GGA3: variants seen among roughly 807,000 people sequenced by gnomAD.
GGA3 encodes ADP-ribosylation factor-binding protein GGA3.
GGA3 carries 57 observed loss-of-function variants against 77.5 expected under a neutral mutation model. The observed-to-expected ratio is 0.74, with a 90% CI of 0.59 to 0.92. GGA3 has a LOEUF of 0.92. Among genes scored for constraint, GGA3 ranks in the 40% least tolerant of loss-of-function variants. GGA3 has a pLI of 0.00. For missense variants in GGA3, 970 were observed against 914.9 expected (o/e 1.06, Z -0.78); for synonymous variants, 416 against 383.7 (o/e 1.08, Z -0.98).
At chr17:75,260,983 T>C (rs770280358) in intron 1 of GGA3, among the ~76,000 whole-genome samples, 8 of 152,178 alleles carry the variant, frequency 5.3e-5, no homozygotes, top group East Asian at 3.8e-4. Flanking sequence ...AGGAAAAAGG[T>C]AGAGCTCTCT....
chr17:75,243,229 C>A (rs756203752), intron 5 of GGA3, 63 bp from the exon 6 acceptor site: 1 of 1,256,708 alleles, frequency 8.0e-7, no homozygotes, highest in East Asian at 2.3e-5. Flanking sequence ...CCTCCTCATA[C>A]ACCAAGGGCC....
At position 75,241,679 on chromosome 17, in the gene GGA3, A is replaced by G. The variant is rs2076565429; in HGVS notation, c.765T>C (p.Cys255=). The G allele has an allele frequency of 6.2e-7, 1 of 1,613,924 alleles. No homozygotes were observed. The highest frequency in any genetic ancestry group is 8.5e-7 in the Non-Finnish European group (1 of 1,179,920). The change falls in exon 9 of 17, where the codon TGT becomes TGC. Residue 255 remains cysteine, a synonymous_variant. Transcript: ENST00000537686. ...TAAATAAAGTCCGCCTCTTGTTCTC[A>G]CACTGATCAAACAGCTCCTGAAAGA... The part of the protein sequence containing the change: ...RELMKELFDQ[C]ENKRRTLFKL...
In GGA3 at chr17:75,242,471, G is replaced by A. The variant is rs2076594886; in HGVS notation, c.612C>T (p.Asp204=). The A allele has an allele frequency of 3.7e-6, 6 of 1,613,942 alleles. No homozygotes were observed. Among genetic ancestry groups the A allele is most frequent in the Admixed American group, 1.7e-5 (1 of 59,994 alleles). Residue 204 remains aspartate (D), a splice_region_variant and synonymous_variant, in exon 8 of 17, where the codon GAC becomes GAT. Coordinates refer to ENST00000537686, the MANE Select transcript of GGA3 (RefSeq NM_138619.4). ...NKLIKSMVKE[D]EARIQKVTKR... ...TGGTCACCTTCTGGATCCGTGCCTCGTCCTGCCCCAGTGAAGAAGTTCAAG... is the reference window on the plus strand; with the variant it reads ...TGGTCACCTTCTGGATCCGTGCCTCATCCTGCCCCAGTGAAGAAGTTCAAG...
chr17:75,262,264 C>A (rs2077414847), upstream of GGA3: 4 of 640,004 alleles, frequency 6.2e-6, no homozygotes, highest in Non-Finnish European at 1.1e-5. Context: ...GGTGTGTAGG[C>A]GCCAAGCCCA....
In GGA3 at chr17:75,240,978, C is replaced by G. The variant is rs527804579; in HGVS notation, c.1026G>C (p.Leu342Phe). ...LDTTNSLSSVLAPAPTPPSSG... is the reference protein window; with the variant it reads ...LDTTNSLSSVFAPAPTPPSSG... ...AGGAGGGTGGAGTAGGTGCTGGGGCCAACACGGAGGACAAACTGTTGGTCG... is the reference window on the plus strand; with the variant it reads ...AGGAGGGTGGAGTAGGTGCTGGGGCGAACACGGAGGACAAACTGTTGGTCG... Residue 342 changes from leucine (L) to phenylalanine (F), a missense_variant, in exon 11 of 17, where the codon TTG (leucine) becomes TTC (phenylalanine). Physicochemically the swap from Leu to Phe is conservative, Grantham distance 22. Transcript: ENST00000537686. The G allele has an allele frequency of 2.5e-6, 4 of 1,614,096 alleles. No homozygotes were observed. The highest frequency in any genetic ancestry group is 2.5e-6 in the Non-Finnish European group (3 of 1,179,986).
At chr17:75,252,616 C>T (rs1361827910) in intron 1 of GGA3, among the ~76,000 whole-genome samples, 1 of 152,088 alleles carries the variant, frequency 6.6e-6, no homozygotes, top group African/African-American at 2.4e-5. Context: ...ATGTAAAGTC[C>T]CTATTGTCAG....
At position 75,237,048 on chromosome 17, in the gene GGA3, A is replaced by G. The variant is rs1346889328; in HGVS notation, c.*1231T>C. The G allele has an allele frequency of 4.8e-6, 1 of 209,412 alleles. No individual in the cohort carries two copies. Among genetic ancestry groups the G allele is most frequent in the Admixed American group, 5.2e-5 (1 of 19,174 alleles). The allele number at this position is 209,412 out of a possible 1,614,324, so 13.0% of individuals were successfully genotyped here. On this transcript the variant is annotated 3_prime_UTR_variant, in exon 17 of 17. Transcript: ENST00000537686. Reference sequence around the variant, plus strand: ...TGAGCTTGTTCACCTGGGCTCCGCAAGCTTCCCCCGTGTCTATGGCAGCTG... The same window carrying G: ...TGAGCTTGTTCACCTGGGCTCCGCAGGCTTCCCCCGTGTCTATGGCAGCTG...
chr17:75,239,892 G>T lies in GGA3; in HGVS notation c.1480C>A (p.Pro494Thr). The change falls in exon 13 of 17, where the codon CCA (proline) becomes ACA (threonine). Residue 494 changes from proline (P) to threonine (T), a missense_variant. By Grantham distance (38) the Pro-to-Thr change is conservative. Transcript: ENST00000537686. ...FSTGVAPALAPKVEPAVPGHH... is the reference protein window; with the variant it reads ...FSTGVAPALATKVEPAVPGHH... ...CCAGGGACTGCGGGCTCAACTTTTG[G>T]GGCCAAGGCTGGGGCCACTCCAGTA... 1 of 1,613,802 alleles carries T rather than the reference G, an allele frequency of 6.2e-7. No homozygotes were observed.
chr17:75,242,817 CG>C lies in GGA3; in HGVS notation c.609+13del. ...CTCCTCCACCCCGTGCCTGAAGGAC[CG>C]GGGCCCACTCACTTCCTTCACCATG... is the stretch of plus-strand genomic sequence containing the variant. On this transcript the variant is annotated intron_variant, in intron 7 of 16. Coordinates refer to ENST00000537686, the MANE Select transcript of GGA3 (RefSeq NM_138619.4). The C allele has an allele frequency of 6.2e-7, 1 of 1,603,162 alleles. No individual in the cohort carries two copies. The highest frequency in any genetic ancestry group is 8.5e-7 in the Non-Finnish European group (1 of 1,170,058).
At chr17:75,247,817 A>C (rs922319561) in intron 1 of GGA3, among the ~76,000 whole-genome samples, 2 of 152,106 alleles carry the variant, frequency 1.3e-5, no homozygotes, top group Non-Finnish European at 2.9e-5. Flanking sequence ...GGGATTTAAA[A>C]TCCAGGCACC....
In GGA3 at chr17:75,239,865, G is replaced by A. The variant is rs987299552; in HGVS notation, c.1507C>T (p.His503Tyr). Residue 503 changes from histidine to tyrosine, a missense_variant, in exon 13 of 17, where the codon CAC becomes TAC. Physicochemically the swap from His to Tyr is moderately conservative, Grantham distance 83. Transcript: ENST00000537686. Reference protein sequence around the residue: ...APKVEPAVPGHHGLALGNSAL... With the variant: ...APKVEPAVPGYHGLALGNSAL... Reference sequence around the variant, plus strand: ...CTGTTGCCCAACGCCAAGCCATGGTGCCCAGGGACTGCGGGCTCAACTTTT... The same window carrying A: ...CTGTTGCCCAACGCCAAGCCATGGTACCCAGGGACTGCGGGCTCAACTTTT... 4 of 1,614,028 alleles carry A rather than the reference G, an allele frequency of 2.5e-6. No individual in the cohort carries two copies. The highest frequency in any genetic ancestry group is 3.4e-6 in the Non-Finnish European group (4 of 1,180,020).
upstream of GGA3, chr17:75,262,119 T>A: frequency 9.5e-7 from 1 of 1,057,082 alleles, no homozygotes. Flanking sequence ...GTTAGCTGCG[T>A]GACCCTGCGC....
chr17:75,252,824 G>A (rs990712556), intron 1 of GGA3, among the ~76,000 whole-genome samples: 8 of 152,080 alleles, frequency 5.3e-5, no homozygotes, highest in Non-Finnish European at 8.8e-5. Context: ...AAGGTTCTTC[G>A]TAATTCTCCC....
rs1442652362 is a variant in GGA3 at position 75,238,397 on chromosome 17, A to G, written c.2062-8T>C. On this transcript the variant is annotated splice_polypyrimidine_tract_variant and splice_region_variant and intron_variant, in intron 16 of 16. Coordinates refer to ENST00000537686, the MANE Select transcript of GGA3 (RefSeq NM_138619.4). ...CCGAAGCCGCACCTTCTCCTGTGAC[A>G]GAGGGCAGCAAGTGAGATCCAGCCC... is the stretch of plus-strand genomic sequence containing the variant. The G allele has an allele frequency of 6.2e-7, 1 of 1,612,108 alleles. No individual in the cohort carries two copies. Among genetic ancestry groups the G allele is most frequent in the Admixed American group, 1.7e-5 (1 of 59,986 alleles).
At chr17:75,259,390 T>C (rs916416652) in intron 1 of GGA3, among the ~76,000 whole-genome samples, 1 of 152,050 alleles carries the variant, frequency 6.6e-6, no homozygotes, top group Non-Finnish European at 1.5e-5. Flanking sequence ...CATCAAGAGA[T>C]GGTTTGTGAG....
chr17:75,248,280 G>T (rs1369738765), intron 1 of GGA3, among the ~76,000 whole-genome samples: 1 of 145,004 alleles, frequency 6.9e-6, no homozygotes, highest in Non-Finnish European at 1.5e-5. Context: ...GACCATCCTG[G>T]TTAACACGGT....
At position 75,238,098 on chromosome 17, in the gene GGA3, G is replaced by C; in HGVS notation, c.*181C>G. The C allele has an allele frequency of 7.2e-7, 1 of 1,396,822 alleles. No homozygotes were observed. The highest frequency in any genetic ancestry group is 9.3e-7 in the Non-Finnish European group (1 of 1,079,072). The allele number at this position is 1,396,822 out of a possible 1,614,324, so 86.5% of individuals were successfully genotyped here. A position where few individuals can be genotyped will look rare whatever the true frequency, so the allele number is the denominator to read the frequency against. On this transcript the variant is annotated 3_prime_UTR_variant, in exon 17 of 17. Transcript: ENST00000537686. Reference sequence around the variant, plus strand: ...GGTAGATAAAAACAGGTCCTTTTAGGGGCCAAAGGAGAGGTTATCACAGCA... The same window carrying C: ...GGTAGATAAAAACAGGTCCTTTTAGCGGCCAAAGGAGAGGTTATCACAGCA...
chr17:75,241,532 G>C lies in GGA3; in HGVS notation c.830-16C>G, dbSNP rs775776331. 12 of 1,606,076 alleles carry C rather than the reference G, an allele frequency of 7.5e-6. No individual in the cohort carries two copies. The East Asian group carries it at 8.9e-5, about 12-fold the overall frequency. Reference sequence around the variant, plus strand: ...AGGATGTCCCCTGGAGCAGGAAAGAGAGACTTCTCACTCCTGTTGTGACAG... The same window carrying C: ...AGGATGTCCCCTGGAGCAGGAAAGACAGACTTCTCACTCCTGTTGTGACAG... On this transcript the variant is annotated splice_polypyrimidine_tract_variant and intron_variant, in intron 9 of 16. Coordinates refer to ENST00000537686, the MANE Select transcript of GGA3 (RefSeq NM_138619.4).
At chr17:75,249,231 A>G (rs1330729270) in intron 1 of GGA3, among the ~76,000 whole-genome samples, 1 of 152,112 alleles carries the variant, frequency 6.6e-6, no homozygotes, top group Non-Finnish European at 1.5e-5. Flanking sequence ...TTTTTAGTAG[A>G]GATGGGGTTT....
Sources: allele counts gnomAD v4.1 joint callset (sites outside exome capture counted in the v4.1 genomes callset), GRCh38; gene constraint gnomAD v4.1.1; transcripts MANE v1.5; gene names NCBI Gene and HGNC (gene_info 2026-07-23, HGNC 2026-07-21).